Variants in STK39 observed in about 807,000 individuals in gnomAD.
STK39 encodes the protein serine/threonine kinase 39, also known as STE20/SPS1-related proline-alanine-rich protein kinase.
STK39 carries 20 observed loss-of-function variants against 77.8 expected under a neutral mutation model. The ratio of observed to expected loss-of-function variants is 0.26; its 90% CI spans 0.18 to 0.37. STK39 has a LOEUF of 0.37. Ranked by LOEUF, STK39 falls within the 10% of genes least tolerant of loss-of-function variation. The pLI is 1.00. For missense variants in STK39, 479 were observed against 656.5 expected (o/e 0.73, Z 2.95); for synonymous variants, 246 against 234.1 (o/e 1.05, Z -0.47).
At chr2:168,044,481 A>G (rs939408265) in intron 14 of STK39, among the ~76,000 whole-genome samples, 6 of 152,226 alleles carry the variant, frequency 3.9e-5, no homozygotes, top group Admixed American at 3.3e-4. Context: ...CCTTAAAGTA[A>G]GCTTGATAAA....
chr2:168,246,053 GTTT>G (rs1690891205), intron 1 of STK39, among the ~76,000 whole-genome samples: 1 of 152,026 alleles, frequency 6.6e-6, no homozygotes, highest in African/African-American at 2.4e-5. Flanking sequence ...TTTTATATCT[GTTT>G]TAATTTTTTT....
intron 8 of STK39, among the ~76,000 whole-genome samples, chr2:168,130,833 G>A (rs1378474188): frequency 6.6e-6 from 1 of 152,134 alleles, no homozygotes; most frequent in Non-Finnish European, 1.5e-5. Flanking sequence ...CAAATAACGG[G>A]AGTATAGGGT....
chr2:168,146,968 G>T (rs1369269670), intron 5 of STK39, among the ~76,000 whole-genome samples: 3 of 152,208 alleles, frequency 2.0e-5, no homozygotes, highest in Non-Finnish European at 4.4e-5. Flanking sequence ...GTTATCGAAG[G>T]TCTGAATAAA....
At chr2:168,210,034 G>A (rs1048791866) in intron 1 of STK39, among the ~76,000 whole-genome samples, 23 of 58,948 alleles carry the variant, frequency 3.9e-4, no homozygotes, top group Non-Finnish European at 8.8e-4. Flanking sequence ...GGAAAGAAAG[G>A]AAGGAAGGAA....
rs561342460 is a variant in STK39, at chr2:168,033,260, A to G, written c.1377-16165T>C. Among the ~76,000 whole-genome samples the G allele has an allele frequency of 6.0e-5, 9 of 150,428 alleles. No homozygotes were observed. The East Asian group carries it at 1.7e-3, about 29-fold the overall frequency. ...TAACACCAGCAAAAAGAAAAAAAAA[A>G]AAGAGTTTCTGGGCTGAGAGCATTT... On this transcript the variant is annotated intron_variant, in intron 14 of 17. Transcript: ENST00000355999.
chr2:168,080,021 A>G (rs886709502), intron 10 of STK39, among the ~76,000 whole-genome samples: 4 of 152,132 alleles, frequency 2.6e-5, no homozygotes, highest in Non-Finnish European at 5.9e-5. Context: ...TCTCTCTGCT[A>G]CTGCAGCTTA....
chr2:168,174,746 C>A (rs868773247), intron 2 of STK39, among the ~76,000 whole-genome samples: 1 of 145,700 alleles, frequency 6.9e-6, no homozygotes, highest in Non-Finnish European at 1.5e-5. Context: ...CCTGTAATGA[C>A]AACTACTCAC....
chr2:168,013,370 G>A (rs759606016), intron 15 of STK39, among the ~76,000 whole-genome samples: 13 of 152,170 alleles, frequency 8.5e-5, no homozygotes, highest in Admixed American at 2.6e-4. Flanking sequence ...AATACAGCTG[G>A]AATTACTTAA....
rs189197469 is a variant in STK39 at position 168,229,112 on chromosome 2, G to C, written c.208+18116C>G. ...AGGCCAGGCGTGGTGGCTCACACCT[G>C]TAATATCAACACTTTGGGAGGTCAA... On this transcript the variant is annotated intron_variant, in intron 1 of 17. Coordinates refer to ENST00000355999, the MANE Select transcript of STK39 (RefSeq NM_013233.3). 4.7e-3 allele frequency among the ~76,000 whole-genome samples: 722 copies of C among 152,204 alleles called. 3 individuals are homozygous for C. The highest frequency in any genetic ancestry group is 8.4e-3 in the Non-Finnish European group (568 of 68,018).
intron 16 of STK39, among the ~76,000 whole-genome samples, chr2:167,996,768 G>C (rs1250296362): frequency 1.3e-5 from 2 of 152,188 alleles, no homozygotes; most frequent in South Asian, 2.1e-4. Context: ...TTGTTATCAA[G>C]TATCAAAGAA....
chr2:167,973,049 TAAA>T (rs1692393538), intron 16 of STK39, among the ~76,000 whole-genome samples: 1 of 152,110 alleles, frequency 6.6e-6, no homozygotes, highest in Non-Finnish European at 1.5e-5. Flanking sequence ...AACTGACAAA[TAAA>T]AAATTTGTCT....
rs538006224 is a variant in STK39 at position 168,110,764 on chromosome 2, A to G, written c.1089+18777T>C. On this transcript the variant is annotated intron_variant, in intron 10 of 17. Coordinates refer to ENST00000355999, the MANE Select transcript of STK39 (RefSeq NM_013233.3). ...TTACACTGTATATTCTTGAGCCTAA[A>G]ATCTTCAAATAAATTTTAGAATCAG... Among the ~76,000 whole-genome samples the G allele has an allele frequency of 1.2e-4, 18 of 152,322 alleles. No homozygotes were observed. The East Asian group carries it at 2.1e-3, about 18-fold the overall frequency.
At chr2:168,182,313 CAG>C (rs892702221) in intron 1 of STK39, among the ~76,000 whole-genome samples, 3 of 151,834 alleles carry the variant, frequency 2.0e-5, no homozygotes, top group Admixed American at 6.6e-5. Context: ...TCTGAGGACA[CAG>C]GGGACAAGGG....
At chr2:168,243,527 GA>G (rs959686967) in intron 1 of STK39, among the ~76,000 whole-genome samples, 5 of 152,140 alleles carry the variant, frequency 3.3e-5, no homozygotes, top group Non-Finnish European at 2.9e-5. Context: ...GCAATGCTGA[GA>G]AATCTAGTAT....
intron 16 of STK39, among the ~76,000 whole-genome samples, chr2:167,997,287 C>T (rs2105291566): frequency 6.6e-6 from 1 of 152,026 alleles, no homozygotes; most frequent in East Asian, 1.9e-4. Context: ...CTGGGTCTCA[C>T]TGTATTTGGG....
At chr2:168,028,232 T>A (rs1302771811) in intron 14 of STK39, among the ~76,000 whole-genome samples, 2 of 152,162 alleles carry the variant, frequency 1.3e-5, no homozygotes, top group Non-Finnish European at 2.9e-5. Flanking sequence ...TGAATACACA[T>A]GTGCCTACCA....
At chr2:168,089,317 T>TA (rs1258814036) in intron 10 of STK39, among the ~76,000 whole-genome samples, 4 of 152,236 alleles carry the variant, frequency 2.6e-5, no homozygotes, top group Admixed American at 2.6e-4. Context: ...CATTATGAGT[T>TA]ACACTGTCAG....
At chr2:168,184,160 T>C (rs937098364) in intron 1 of STK39, among the ~76,000 whole-genome samples, 2 of 152,174 alleles carry the variant, frequency 1.3e-5, no homozygotes, top group African/African-American at 4.8e-5. Context: ...GCGTATGTAA[T>C]ACAGAGATAC....
chr2:168,207,027 T>A (rs547966562), intron 1 of STK39, among the ~76,000 whole-genome samples: 27 of 152,286 alleles, frequency 1.8e-4, no homozygotes, highest in African/African-American at 6.5e-4. Flanking sequence ...ATACCCCTCT[T>A]TTGCCTTATC....
Sources: gnomAD v4.1 joint callset for allele counts (sites outside exome capture counted in the v4.1 genomes callset) on GRCh38, gnomAD v4.1.1 for gene constraint, MANE v1.5 for transcripts, NCBI Gene and HGNC (gene_info 2026-07-23, HGNC 2026-07-21) for gene names.